The following PTPRT variants were observed in gnomAD, a reference collection of about 807,000 sequenced individuals.
The protein encoded by PTPRT is protein tyrosine phosphatase receptor type T.
PTPRT carries 56 observed loss-of-function variants against 176.8 expected under a neutral mutation model. The ratio of observed to expected loss-of-function variants is 0.32; its 90% CI spans 0.26 to 0.40. The LOEUF (loss-of-function observed/expected upper bound fraction) is 0.40. Ranked by LOEUF, PTPRT falls within the 10% of genes least tolerant of loss-of-function variation. PTPRT has a pLI of 1.00. For synonymous variants in PTPRT, 783 were observed against 739.0 expected, an observed-to-expected ratio of 1.06 and a Z score of -0.96; for missense variants, 1,540 against 1,908.2, an observed-to-expected ratio of 0.81 and a Z score of 3.60.
intron 7 of PTPRT, among the ~76,000 whole-genome samples, chr20:42,490,504 G>T (rs2071543782): frequency 6.6e-6 from 1 of 151,960 alleles, no homozygotes; most frequent in African/African-American, 2.4e-5. Context: ...AGATTTTCTA[G>T]TTCATTATTG....
chr20:42,119,882 C>A, intron 20 of PTPRT, 53 bp downstream of exon 20: 1 of 1,519,504 alleles, frequency 6.6e-7, no homozygotes, highest in Admixed American at 1.8e-5. Flanking sequence ...GAGCCCTTTC[C>A]CCTGGGACCC....
chr20:42,593,725 A>G (rs906163333), intron 7 of PTPRT, among the ~76,000 whole-genome samples: 1 of 152,226 alleles, frequency 6.6e-6, no homozygotes, highest in Non-Finnish European at 1.5e-5. Context: ...CGATTGCACA[A>G]AGAATCCAGT....
At chr20:42,851,039 G>A (rs1307605817) in intron 2 of PTPRT, among the ~76,000 whole-genome samples, 1 of 152,106 alleles carries the variant, frequency 6.6e-6, no homozygotes, top group African/African-American at 2.4e-5. Flanking sequence ...CACTTCTTTA[G>A]ATCTGCACTT....
At chr20:42,208,114 G>C (rs1248605342) in intron 15 of PTPRT, among the ~76,000 whole-genome samples, 2 of 124,560 alleles carry the variant, frequency 1.6e-5, no homozygotes, top group Non-Finnish European at 3.3e-5. Flanking sequence ...TCACCACCAG[G>C]CCTGCCCTAA....
At chr20:42,251,004 G>A (rs1209680628) in intron 13 of PTPRT, among the ~76,000 whole-genome samples, 2 of 152,230 alleles carry the variant, frequency 1.3e-5, no homozygotes, top group Non-Finnish European at 1.5e-5. Context: ...GGGGGGACGA[G>A]GGCTGGTTCT....
In PTPRT at chr20:42,811,815, T is replaced by C. The variant is rs1444653672; in HGVS notation, c.215-20349A>G. 3.9e-5 allele frequency among the ~76,000 whole-genome samples: 6 copies of C among 152,338 alleles called. No homozygotes were observed. In the East Asian group the frequency reaches 7.7e-4, roughly 20 times the overall value. ...TTTCATTACTTATCATCAATCCTTA[T>C]GTTATGAGGTCTGCATTCATGAATC... On this transcript the variant is annotated intron_variant, in intron 2 of 30. Coordinates refer to ENST00000373187, the MANE Select transcript of PTPRT (RefSeq NM_007050.6).
chr20:42,492,333 G>A (rs2071574240), intron 7 of PTPRT, among the ~76,000 whole-genome samples: 1 of 152,242 alleles, frequency 6.6e-6, no homozygotes. Context: ...CAGTTTCTTT[G>A]CATCCTCGCT....
chr20:42,151,081 T>A (rs1600594399), intron 17 of PTPRT, among the ~76,000 whole-genome samples: 1 of 152,040 alleles, frequency 6.6e-6, no homozygotes. Context: ...TTTGGTCCAC[T>A]TGTAGAAATC....
intron 7 of PTPRT, among the ~76,000 whole-genome samples, chr20:42,514,993 A>T (rs937691429): frequency 6.6e-6 from 1 of 152,158 alleles, no homozygotes. Context: ...TCTTTTGGAT[A>T]TCCTCTTCTG....
intron 1 of PTPRT, among the ~76,000 whole-genome samples, chr20:42,981,352 G>C (rs539268124): frequency 6.6e-6 from 1 of 152,246 alleles, no homozygotes; most frequent in Non-Finnish European, 1.5e-5. Context: ...CCTGCACAGA[G>C]AAGGTGGGAG....
chr20:42,655,827 T>A (rs907060657), intron 7 of PTPRT, among the ~76,000 whole-genome samples: 4 of 152,152 alleles, frequency 2.6e-5, no homozygotes, highest in Non-Finnish European at 5.9e-5. Flanking sequence ...ACCTATAATG[T>A]TGAGGTAGGT....
chr20:42,368,004 G>T (rs2145588355), intron 9 of PTPRT, among the ~76,000 whole-genome samples: 1 of 152,248 alleles, frequency 6.6e-6, no homozygotes, highest in African/African-American at 2.4e-5. Context: ...ATCTCCTGAG[G>T]CTCTTCTACC....
intron 7 of PTPRT, among the ~76,000 whole-genome samples, chr20:42,673,849 A>G (rs1016734965): frequency 1.3e-5 from 2 of 152,212 alleles, no homozygotes; most frequent in Admixed American, 6.5e-5. Flanking sequence ...CCACCGCCCA[A>G]GATGATTCTA....
In PTPRT at chr20:42,472,299, T is replaced by C; in HGVS notation, c.1417A>G (p.Ser473Gly). The C allele has an allele frequency of 3.1e-6, 5 of 1,614,172 alleles. No individual in the cohort carries two copies. Among genetic ancestry groups the C allele is most frequent in the Non-Finnish European group, 4.2e-6 (5 of 1,180,030 alleles). The part of the protein sequence containing the change: ...LLSNPEGRME[S>G]EELVVQTEED... ...TCAGTCTGCACCACCAGCTCCTCGC[T>C]CTCCATTCGGCCCTCGGGGTTAGAC... Residue 473 changes from serine (S) to glycine (G), a missense_variant, in exon 8 of 31, where the codon AGC (serine) becomes GGC (glycine). Physicochemically the swap from Ser to Gly is moderately conservative, Grantham distance 56. Transcript: ENST00000373187.
At chr20:42,981,123 T>C (rs186692924) in intron 1 of PTPRT, among the ~76,000 whole-genome samples, 80 of 152,364 alleles carry the variant, frequency 5.3e-4, no homozygotes, top group African/African-American at 1.9e-3. Context: ...AAGTCCTGTC[T>C]CGACCTGATT....
chr20:42,442,487 T>A (rs1328503157), intron 9 of PTPRT, among the ~76,000 whole-genome samples: 1 of 152,228 alleles, frequency 6.6e-6, no homozygotes, highest in African/African-American at 2.4e-5. Flanking sequence ...TAAATGCCAA[T>A]CAACTCTAGC....
chr20:42,199,140 A>G (rs1991347203), intron 16 of PTPRT, 100 bp downstream of exon 16: 6 of 1,415,298 alleles, frequency 4.2e-6, no homozygotes, highest in Non-Finnish European at 9.7e-7. Context: ...TCCATACCCT[A>G]TGCCTGGCAG....
At chr20:42,345,366 TACAC>T (rs35901100) in intron 11 of PTPRT, among the ~76,000 whole-genome samples, 41,696 of 133,956 alleles carry the variant, frequency 0.31, 7,893 homozygotes, top group East Asian at 0.72. Context: ...AAGGCATATA[TACAC>T]ACACACACAC....
chr20:42,725,009 T>TGTGTG (rs1569113401), intron 6 of PTPRT, among the ~76,000 whole-genome samples: 2 of 133,958 alleles, frequency 1.5e-5, no homozygotes, highest in African/African-American at 5.3e-5. Flanking sequence ...TGGACATCTT[T>TGTGTG]TGTGTGTGTG....
Sources: allele counts gnomAD v4.1 joint callset (sites outside exome capture counted in the v4.1 genomes callset), GRCh38; gene constraint gnomAD v4.1.1; transcripts MANE v1.5; gene names NCBI Gene and HGNC (gene_info 2026-07-23, HGNC 2026-07-21).